The following EPG5 variants were observed in gnomAD, a reference collection of about 807,000 sequenced individuals.
The protein encoded by EPG5 is ectopic P granules protein 5 homolog.
EPG5 carries 159 observed loss-of-function variants against 302.7 expected under a neutral mutation model. The observed-to-expected ratio is 0.53, with a 90% confidence interval of 0.46 to 0.60. EPG5 has a LOEUF of 0.60. Ranked by LOEUF, EPG5 falls within the 20% of genes least tolerant of loss-of-function variation. The probability of loss-of-function intolerance (pLI) is 0.00; values close to 1 mark genes in which losing one functional copy is unlikely to be tolerated. For synonymous variants in EPG5, 1,158 were observed against 1,136.8 expected, an observed-to-expected ratio of 1.02 and a Z score of -0.37; for missense variants, 2,896 against 3,092.4, an observed-to-expected ratio of 0.94 and a Z score of 1.51.
At chr18:45,818,126 C>T in the EPG5 span, among the ~76,000 whole-genome samples, 1 of 152,076 alleles carries the variant, frequency 6.6e-6, no homozygotes, top group East Asian at 1.9e-4. Context: ...CATATATGTT[C>T]TAATCTTTTT....
intron 32 of EPG5, 50 bp from the exon 33 acceptor site, chr18:45,879,264 A>T (rs747552829): frequency 7.2e-7 from 1 of 1,397,152 alleles, no homozygotes; most frequent in African/African-American, 1.4e-5. Context: ...GTATTTTAGT[A>T]AAGTGTTATG....
the EPG5 span, among the ~76,000 whole-genome samples, chr18:45,831,111 CCT>C: frequency 6.6e-3 from 1,012 of 152,296 alleles, 10 homozygotes; most frequent in African/African-American, 0.023. Flanking sequence ...CGGACAGACC[CCT>C]GACACCCACT....
Position 45,915,629 on chromosome 18 carries a change from G to T in EPG5, c.3583-8C>A, listed in dbSNP as rs757359611. On this transcript the variant is annotated splice_region_variant and splice_polypyrimidine_tract_variant and intron_variant, in intron 19 of 43. Transcript: ENST00000282041. ...GTGGTAACCCAAGGCATTCTACACCGGGAGATGTGGAGCAGAGAGAGGAGG... is the reference window on the plus strand; with the variant it reads ...GTGGTAACCCAAGGCATTCTACACCTGGAGATGTGGAGCAGAGAGAGGAGG... 6.2e-7 allele frequency: 1 copy of T among 1,602,796 alleles called. No individual in the cohort carries two copies. Among genetic ancestry groups the T allele is most frequent in the South Asian group, 1.1e-5 (1 of 90,764 alleles).
rs79354311 is a variant in EPG5 at position 45,945,854 on chromosome 18, G to A, written c.1677+809C>T. 1.0e-3 allele frequency among the ~76,000 whole-genome samples: 153 copies of A among 152,272 alleles called. 1 individual carries two copies. In the East Asian group the frequency reaches 0.027, roughly 27 times the overall value. On this transcript the variant is annotated intron_variant, in intron 7 of 43. Coordinates refer to ENST00000282041, the MANE Select transcript of EPG5 (RefSeq NM_020964.3). ...GAAGAGAAAAACGACTGTGAAGGGG[G>A]CTCCCTACTTCTGAATGAGCACTCT... is the stretch of plus-strand genomic sequence containing the variant.
intron 9 of EPG5, among the ~76,000 whole-genome samples, chr18:45,941,644 C>T (rs1272497326): frequency 2.0e-5 from 3 of 152,270 alleles, no homozygotes; most frequent in Admixed American, 6.5e-5. Flanking sequence ...AGTAATGATA[C>T]CAACGTCCTT....
intron 5 of EPG5, 24 bp downstream of exon 5, chr18:45,949,460 G>C: frequency 4.1e-6 from 6 of 1,462,866 alleles, no homozygotes; most frequent in Non-Finnish European, 5.7e-6. Context: ...CAACCCCTCA[G>C]AATGAGTTGA....
the EPG5 span, chr18:45,825,804 G>C: frequency 1.2e-6 from 2 of 1,613,602 alleles, no homozygotes; most frequent in African/African-American, 1.3e-5. Flanking sequence ...ACTCTCTCTG[G>C]CCCATGCTCG....
At chr18:45,814,186 G>A in the EPG5 span, among the ~76,000 whole-genome samples, 1 of 152,146 alleles carries the variant, frequency 6.6e-6, no homozygotes, top group Admixed American at 6.5e-5. Flanking sequence ...TTCCTGATGC[G>A]AGGCACTGAA....
chr18:45,948,490 C>G lies in EPG5; in HGVS notation c.1571+13G>C, dbSNP rs754068959. The G allele has an allele frequency of 6.2e-7, 1 of 1,608,094 alleles. No homozygotes were observed. Among genetic ancestry groups the G allele is most frequent in the Non-Finnish European group, 8.5e-7 (1 of 1,174,748 alleles). ...ATTTCAATCTCTACTTCACAAAGCTCTTGCACACTTACTTGACAGGAGACA... is the reference window on the plus strand; with the variant it reads ...ATTTCAATCTCTACTTCACAAAGCTGTTGCACACTTACTTGACAGGAGACA... On this transcript the variant is annotated intron_variant, in intron 6 of 43. Transcript: ENST00000282041.
At chr18:45,843,411 G>C (rs1464123299), downstream of EPG5, 1 of 152,252 alleles carries the variant, frequency 6.6e-6, no homozygotes, top group Non-Finnish European at 1.5e-5. Context: ...CCACAGGCTA[G>C]GGGAATAACG....
At position 45,852,301 on chromosome 18, in the gene EPG5, A is replaced by C. The variant is rs549239204; in HGVS notation, c.*166T>G. 877 of 607,332 alleles carry C rather than the reference A, an allele frequency of 1.4e-3. 8 individuals carry two copies. The African/African-American group carries it at 0.015, about 10-fold the overall frequency. 37.6% of individuals were successfully genotyped at this position (607,332 alleles called of 1,614,324 possible). A position where few individuals can be genotyped will look rare whatever the true frequency, so the allele number is the denominator to read the frequency against. On this transcript the variant is annotated 3_prime_UTR_variant, in exon 44 of 44. Coordinates refer to ENST00000282041, the MANE Select transcript of EPG5 (RefSeq NM_020964.3). ...AGAAAACACACACACACACACACAC[A>C]CACCCCAAAATTATCTAATATCTAA...
chr18:45,828,081 T>G, the EPG5 span, among the ~76,000 whole-genome samples: 2 of 152,124 alleles, frequency 1.3e-5, no homozygotes, highest in Admixed American at 1.3e-4. Flanking sequence ...TGGGAGCCTC[T>G]CCTCATGGCT....
the EPG5 span, among the ~76,000 whole-genome samples, chr18:45,803,210 G>A: frequency 1.4e-4 from 22 of 152,194 alleles, 1 homozygote; most frequent in Non-Finnish European, 2.5e-4. Context: ...GAGGCCAGAA[G>A]AGCCATTTTA....
chr18:45,802,498 C>T, the EPG5 span, among the ~76,000 whole-genome samples: 17 of 151,920 alleles, frequency 1.1e-4, no homozygotes, highest in East Asian at 5.8e-4. Context: ...CCAGCCTGGG[C>T]GACAGAGCAA....
the EPG5 span, among the ~76,000 whole-genome samples, chr18:45,835,505 G>A: frequency 6.6e-6 from 1 of 152,126 alleles, no homozygotes; most frequent in African/African-American, 2.4e-5. Flanking sequence ...AGCTCAGGAA[G>A]AGAAGAGAAA....
the EPG5 span, among the ~76,000 whole-genome samples, chr18:45,841,816 CAGG>C: frequency 6.6e-6 from 1 of 152,174 alleles, no homozygotes; most frequent in Non-Finnish European, 1.5e-5. Context: ...AGTTGGGGAC[CAGG>C]AGGCCAGGCC....
chr18:45,916,134 G>C lies in EPG5; in HGVS notation c.3457C>G (p.Leu1153Val), dbSNP rs997660046. 6.2e-7 allele frequency: 1 copy of C among 1,614,018 alleles called. No individual in the cohort carries two copies. The highest frequency in any genetic ancestry group is 1.1e-5 in the South Asian group (1 of 91,076). Residue 1153 changes from leucine (L) to valine (V), a missense_variant, in exon 19 of 44, where the codon CTC becomes GTC. Transcript: ENST00000282041. ...VAVLEFWVQA[L>V]ISQHLWYREQ... ...CGGTACCAGAGATGCTGGCTTATGAGAGCCTGAACCCAGAACTCCAACACA... is the reference window on the plus strand; with the variant it reads ...CGGTACCAGAGATGCTGGCTTATGACAGCCTGAACCCAGAACTCCAACACA...
intron 27 of EPG5, among the ~76,000 whole-genome samples, chr18:45,894,373 T>C (rs2049422246): frequency 6.6e-6 from 1 of 152,066 alleles, no homozygotes; most frequent in South Asian, 2.1e-4. Flanking sequence ...GGCAGGAGAA[T>C]TGTTTGAACC....
At chr18:45,899,823 T>C (rs775145067) in intron 26 of EPG5, among the ~76,000 whole-genome samples, 12 of 152,176 alleles carry the variant, frequency 7.9e-5, no homozygotes, top group Non-Finnish European at 1.6e-4. Flanking sequence ...AAGCTCCATT[T>C]AGAATCCATG....
Sources: gnomAD v4.1 joint callset for allele counts (sites outside exome capture counted in the v4.1 genomes callset) on GRCh38, gnomAD v4.1.1 for gene constraint, MANE v1.5 for transcripts, NCBI Gene and HGNC (gene_info 2026-07-23, HGNC 2026-07-21) for gene names.